ASB3: variants seen among roughly 807,000 people sequenced by gnomAD.
The protein encoded by ASB3 is ankyrin repeat and SOCS box containing 3, also known as ankyrin repeat and SOCS box protein 3.
A neutral mutation model predicts 54.5 loss-of-function variants in ASB3; 41 were observed. The observed-to-expected ratio is 0.75, with a 90% CI of 0.59 to 0.98. ASB3 has a LOEUF of 0.98. ASB3 is among the 50% of genes least tolerant of loss of function. The pLI is 0.00. For missense variants in ASB3, 733 were observed against 620.0 expected, an observed-to-expected ratio of 1.18 and a Z score of -1.94; for synonymous variants, 266 against 221.2, an observed-to-expected ratio of 1.20 and a Z score of -1.80.
At position 53,750,949 on chromosome 2, in the gene ASB3, A is replaced by G; in HGVS notation, c.197-8T>C. ...TGTAGTTTTCAGATGAATCTGTGGAAGAATCAAAGCCCATCAACTAGAAGG... is the reference window on the plus strand; with the variant it reads ...TGTAGTTTTCAGATGAATCTGTGGAGGAATCAAAGCCCATCAACTAGAAGG... On this transcript the variant is annotated splice_polypyrimidine_tract_variant and splice_region_variant and intron_variant, in intron 2 of 9. Coordinates refer to ENST00000263634, the MANE Select transcript of ASB3 (RefSeq NM_016115.5). 3.9e-6 allele frequency: 6 copies of G among 1,528,688 alleles called. No homozygotes were observed. Among genetic ancestry groups the G allele is most frequent in the Non-Finnish European group, 4.4e-6 (5 of 1,138,914 alleles). 94.7% of individuals were successfully genotyped at this position (1,528,688 alleles called of 1,614,324 possible). A position where few individuals can be genotyped will look rare whatever the true frequency, so the allele number is the denominator to read the frequency against.
At chr2:53,753,503 C>A (rs572275677) in intron 2 of ASB3, among the ~76,000 whole-genome samples, 7 of 151,978 alleles carry the variant, frequency 4.6e-5, no homozygotes, top group African/African-American at 1.7e-4. Flanking sequence ...TGGCTAGACA[C>A]GGAAACAACT....
intron 3 of ASB3, among the ~76,000 whole-genome samples, chr2:53,746,092 G>A (rs1672206290): frequency 6.6e-6 from 1 of 152,038 alleles, no homozygotes; most frequent in Non-Finnish European, 1.5e-5. Flanking sequence ...TTGAAGACAA[G>A]CCTGGGCAAC....
At chr2:53,761,335 A>G (rs1046762929) in intron 2 of ASB3, among the ~76,000 whole-genome samples, 1 of 151,962 alleles carries the variant, frequency 6.6e-6, no homozygotes, top group Non-Finnish European at 1.5e-5. Context: ...CAGGATATAA[A>G]CTCAGGCATT....
chr2:53,705,939 G>C (rs1669744701), intron 7 of ASB3, among the ~76,000 whole-genome samples: 1 of 152,096 alleles, frequency 6.6e-6, no homozygotes. Flanking sequence ...GCAAGTACAA[G>C]GCACACATCC....
Position 53,693,848 on chromosome 2 carries a change from A to C in ASB3, c.1369+36T>G, listed in dbSNP as rs561657007. On this transcript the variant is annotated intron_variant, in intron 9 of 9. Coordinates refer to ENST00000263634, the MANE Select transcript of ASB3 (RefSeq NM_016115.5). ...CAGCTAGAGAAGCAAGAGAAGGAAA[A>C]GTAGTGAAGTGTGTTTAAAAGTTAT... 2.5e-6 allele frequency: 4 copies of C among 1,590,890 alleles called. No homozygotes were observed. In the East Asian group the frequency reaches 9.1e-5, roughly 36 times the overall value.
chr2:53,771,882 A>G (rs199773130), intron 1 of ASB3: 1 of 1,473,262 alleles, frequency 6.8e-7, no homozygotes, highest in Non-Finnish European at 9.3e-7. Flanking sequence ...ATTCAGAAAA[A>G]TTTTTTTTTA....
chr2:53,740,913 G>T (rs1043265795), intron 3 of ASB3, among the ~76,000 whole-genome samples: 1 of 152,190 alleles, frequency 6.6e-6, no homozygotes, highest in South Asian at 2.1e-4. Flanking sequence ...TGTCTCCCCA[G>T]CAGCAGAGTC....
At chr2:53,712,051 T>G (rs527490271) in intron 7 of ASB3, among the ~76,000 whole-genome samples, 22 of 151,914 alleles carry the variant, frequency 1.4e-4, no homozygotes, top group Non-Finnish European at 2.2e-4. Context: ...AACCAAACTG[T>G]GGAGTTCCTT....
In ASB3 at chr2:53,729,579, C is replaced by T. The variant is rs746055408; in HGVS notation, c.356-9G>A. ...CTGTCCATTTTCAACAGCTGTAATA[C>T]AGCAGTTAGAAAAATTAATGTCAGC... On this transcript the variant is annotated splice_polypyrimidine_tract_variant and intron_variant, in intron 3 of 9. Transcript: ENST00000263634. 7 of 1,612,662 alleles carry T rather than the reference C, an allele frequency of 4.3e-6. No homozygotes were observed. Among genetic ancestry groups the T allele is most frequent in the Middle Eastern group, 1.7e-4 (1 of 6,050 alleles).
chr2:53,771,876 A>G, intron 1 of ASB3: 1 of 1,435,554 alleles, frequency 7.0e-7, no homozygotes, highest in Non-Finnish European at 9.6e-7. Flanking sequence ...TTATTAATTC[A>G]GAAAAATTTT....
At chr2:53,728,278 C>G (rs1671118820) in intron 5 of ASB3, among the ~76,000 whole-genome samples, 3 of 152,112 alleles carry the variant, frequency 2.0e-5, no homozygotes, top group Admixed American at 2.0e-4. Context: ...ATTAACATAA[C>G]AAAGTGTAAA....
intron 7 of ASB3, among the ~76,000 whole-genome samples, chr2:53,702,935 A>T (rs532153512): frequency 6.6e-6 from 1 of 152,350 alleles, no homozygotes; most frequent in South Asian, 2.1e-4. Context: ...ATGGCTTTCG[A>T]CCATTAGCTG....
Position 53,685,193 on chromosome 2 carries a change from G to C in ASB3, c.1369+8691C>G, listed in dbSNP as rs541149738. ...ATTCAAACACATTTTATTTAACAGT[G>C]ATTTTCAGAATAATAGAGGCTGAGC... On this transcript the variant is annotated intron_variant, in intron 9 of 9. Transcript: ENST00000263634. Among the ~76,000 whole-genome samples, 5 of 152,236 alleles carry C rather than the reference G, an allele frequency of 3.3e-5. No homozygotes were observed. The East Asian group carries it at 9.6e-4, about 29-fold the overall frequency.
At chr2:53,727,025 G>C (rs1671038259) in intron 5 of ASB3, among the ~76,000 whole-genome samples, 1 of 152,102 alleles carries the variant, frequency 6.6e-6, no homozygotes, top group South Asian at 2.1e-4. Context: ...ACTGAATTAG[G>C]ATAGTCCTCC....
intron 3 of ASB3, among the ~76,000 whole-genome samples, chr2:53,747,974 T>A (rs937155651): frequency 6.6e-6 from 1 of 152,256 alleles, no homozygotes; most frequent in Non-Finnish European, 1.5e-5. Flanking sequence ...GTTCACTGAA[T>A]CAGTTTTCTA....
chr2:53,691,207 T>C (rs1183010732), intron 9 of ASB3, among the ~76,000 whole-genome samples: 2 of 152,206 alleles, frequency 1.3e-5, no homozygotes, highest in Admixed American at 1.3e-4. Context: ...AAATGCGTTG[T>C]TACTTTTGTT....
intron 3 of ASB3, among the ~76,000 whole-genome samples, chr2:53,734,056 T>C: frequency 6.6e-6 from 1 of 152,206 alleles, no homozygotes; most frequent in Non-Finnish European, 1.5e-5. Flanking sequence ...TTTAAGCAGT[T>C]TTCCGCCCTG....
chr2:53,785,176 G>A (rs1029200411), intron 1 of ASB3, among the ~76,000 whole-genome samples: 3 of 152,222 alleles, frequency 2.0e-5, no homozygotes, highest in African/African-American at 4.8e-5. Flanking sequence ...TCTGACTTAC[G>A]TACTAAAAGC....
intron 2 of ASB3, among the ~76,000 whole-genome samples, chr2:53,759,365 G>A (rs1673012501): frequency 1.3e-5 from 2 of 152,188 alleles, no homozygotes; most frequent in South Asian, 4.1e-4. Flanking sequence ...CACTAAGGGA[G>A]GCTTTGAGAA....
Sources: allele counts gnomAD v4.1 joint callset (sites outside exome capture counted in the v4.1 genomes callset), GRCh38; gene constraint gnomAD v4.1.1; transcripts MANE v1.5; gene names NCBI Gene and HGNC (gene_info 2026-07-23, HGNC 2026-07-21).